Variants in FLOT2 observed in about 807,000 individuals in gnomAD.
The protein encoded by FLOT2 is flotillin-2.
A neutral mutation model predicts 54.9 loss-of-function variants in FLOT2; 35 were observed. That is an observed-to-expected ratio of 0.64 (90% CI 0.49 to 0.84). The LOEUF (loss-of-function observed/expected upper bound fraction) is 0.84, where lower values mean the gene tolerates loss of function less well. FLOT2 is among the 40% of genes least tolerant of loss of function. FLOT2 has a pLI of 0.00. For missense variants in FLOT2, 464 were observed against 572.1 expected (o/e 0.81, Z 1.93); for synonymous variants, 207 against 228.9 (o/e 0.90, Z 0.86).
At chr17:28,886,179 C>A (rs753271638) in intron 2 of FLOT2, among the ~76,000 whole-genome samples, 1 of 152,212 alleles carries the variant, frequency 6.6e-6, no homozygotes, top group Non-Finnish European at 1.5e-5. Flanking sequence ...AGCCCCCAAA[C>A]CCTTTTAGTG....
rs1399939819 is a variant in FLOT2 at position 28,881,918 on chromosome 17, C to T, written c.810G>A (p.Val270=). The change falls in exon 8 of 11, where the codon GTG becomes GTA. Residue 270 remains valine (V), a synonymous_variant. Transcript: ENST00000394908. ...CCGTACGCAGGATCTCCTGTGCCTC[C>T]ACGGCAATCTGTTTCTTGCGCTGCA... ...EVVQRKKQIA[V]EAQEILRTDK... is the part of the protein sequence containing the mutation. The T allele has an allele frequency of 1.9e-6, 3 of 1,614,000 alleles. No individual in the cohort carries two copies.
Position 28,881,959 on chromosome 17 carries a change from T to G in FLOT2, c.769A>C (p.Ile257Leu). Residue 257 changes from isoleucine (I) to leucine (L), a missense_variant, in exon 8 of 11, where the codon ATT (isoleucine) becomes CTT (leucine). Physicochemically the swap from Ile to Leu is conservative, Grantham distance 5 (BLOSUM62 2). Transcript: ENST00000394908. ...TTGCGCTGCACAACCTCAATCTCAA[T>G]CTCTTCCTGCCGGATCTTCTGCTGT... ...REQQKIRQEE[I>L]EIEVVQRKKQ... 6.2e-7 allele frequency: 1 copy of G among 1,614,036 alleles called. No individual in the cohort carries two copies. The highest frequency in any genetic ancestry group is 1.1e-5 in the South Asian group (1 of 91,086).
At chr17:28,886,127 G>C in intron 2 of FLOT2, 1 of 644,308 alleles carries the variant, frequency 1.6e-6, no homozygotes, top group Non-Finnish European at 2.8e-6. Context: ...CAGGACAGCA[G>C]CGACCTCCTG....
rs375713956 is a variant in FLOT2 at position 28,881,172 on chromosome 17, C to T, written c.1098+20G>A. Reference sequence around the variant, plus strand: ...GCAAGGACACTTGAACCCTAGGACCCGCTTGGGTGGAAGCCTCACCTGGGG... The same window carrying T: ...GCAAGGACACTTGAACCCTAGGACCTGCTTGGGTGGAAGCCTCACCTGGGG... On this transcript the variant is annotated intron_variant, in intron 9 of 10. Coordinates refer to ENST00000394908, the MANE Select transcript of FLOT2 (RefSeq NM_004475.3). The T allele has an allele frequency of 2.2e-5, 35 of 1,607,582 alleles. No homozygotes were observed. The highest frequency in any genetic ancestry group is 2.8e-5 in the Non-Finnish European group (33 of 1,176,528).
At chr17:28,888,751 T>A (rs1367012420) in intron 2 of FLOT2, among the ~76,000 whole-genome samples, 194 bp downstream of exon 2, 1 of 152,112 alleles carries the variant, frequency 6.6e-6, no homozygotes, top group African/African-American at 2.4e-5. Flanking sequence ...CTGATGCATG[T>A]CTCCTGCACC....
At position 28,882,718 on chromosome 17, in the gene FLOT2, C is replaced by T. The variant is rs1327352843; in HGVS notation, c.347-27G>A. ...TGGGGGCAGAGGGATCAAGGGCTGGCTCCCCAGGGACCCAGCCAGCTGGGG... is the reference window on the plus strand; with the variant it reads ...TGGGGGCAGAGGGATCAAGGGCTGGTTCCCCAGGGACCCAGCCAGCTGGGG... On this transcript the variant is annotated intron_variant, in intron 4 of 10. Transcript: ENST00000394908. The surrounding 1 kb of genome is among the most constrained non-coding windows in gnomAD (Gnocchi z 5.6). The T allele has an allele frequency of 6.7e-7, 1 of 1,485,398 alleles. No individual in the cohort carries two copies. Among genetic ancestry groups the T allele is most frequent in the African/African-American group, 1.4e-5 (1 of 72,374 alleles). 92.0% of individuals were successfully genotyped at this position (1,485,398 alleles called of 1,614,324 possible). A position where few individuals can be genotyped will look rare whatever the true frequency, so the allele number is the denominator to read the frequency against.
At position 28,884,215 on chromosome 17, in the gene FLOT2, G is replaced by GTTAC; in HGVS notation, c.222+6_222+9dup. 1 of 1,603,434 alleles carries GTTAC rather than the reference G, an allele frequency of 6.2e-7. No individual in the cohort carries two copies. Among genetic ancestry groups the GTTAC allele is most frequent in the Middle Eastern group, 1.7e-4 (1 of 6,044 alleles). Reference sequence around the variant, plus strand: ...CAACGGACATGCGCAGGGCTGCTGAGTTACTATACCTGGGCGACACCCGTC... The same window carrying GTTAC: ...CAACGGACATGCGCAGGGCTGCTGAGTTACTTACTATACCTGGGCGACACCCGTC... On this transcript the variant is annotated intron_variant, in intron 3 of 10. Coordinates refer to ENST00000394908, the MANE Select transcript of FLOT2 (RefSeq NM_004475.3). This position sits in a 1 kb window ranked among gnomAD's most constrained non-coding sequence, Gnocchi z 5.1.
In FLOT2 at chr17:28,881,219, C is replaced by G. The variant is rs1255683171; in HGVS notation, c.1071G>C (p.Met357Ile). 4 of 1,614,018 alleles carry G rather than the reference C, an allele frequency of 2.5e-6. No individual in the cohort carries two copies. The East Asian group carries it at 8.9e-5, about 36-fold the overall frequency. Reference protein sequence around the residue: ...AYQKYGDAAKMALVLEALPQI... With the variant: ...AYQKYGDAAKIALVLEALPQI... Reference sequence around the variant, plus strand: ...GGGGCAGGGCCTCTAGCACCAAGGCCATCTTGGCTGCATCCCCGTATTTCT... The same window carrying G: ...GGGGCAGGGCCTCTAGCACCAAGGCGATCTTGGCTGCATCCCCGTATTTCT... Residue 357 changes from methionine (M) to isoleucine (I), a missense_variant, in exon 9 of 11, where the codon ATG (methionine) becomes ATC (isoleucine). Transcript: ENST00000394908.
chr17:28,897,592 G>C lies in FLOT2; in HGVS notation c.-18C>G, dbSNP rs758747679. ...TTGCCCATGGCGCCGGCGGCACGGAGGGCCCTCGGGACCGCACAGACCCGG... is the reference window on the plus strand; with the variant it reads ...TTGCCCATGGCGCCGGCGGCACGGACGGCCCTCGGGACCGCACAGACCCGG... On this transcript the variant is annotated 5_prime_UTR_variant, in exon 1 of 11. Coordinates refer to ENST00000394908, the MANE Select transcript of FLOT2 (RefSeq NM_004475.3). This position sits in a 1 kb window ranked among gnomAD's most constrained non-coding sequence, Gnocchi z 4.4. 1 of 1,584,810 alleles carries C rather than the reference G, an allele frequency of 6.3e-7. No individual in the cohort carries two copies. The highest frequency in any genetic ancestry group is 8.6e-7 in the Non-Finnish European group (1 of 1,166,254).
chr17:28,897,639 C>T lies in FLOT2; in HGVS notation c.-65G>A. The T allele has an allele frequency of 2.2e-6, 3 of 1,354,256 alleles. No individual in the cohort carries two copies. Among genetic ancestry groups the T allele is most frequent in the South Asian group, 1.6e-5 (1 of 60,636 alleles). The allele number at this position is 1,354,256 out of a possible 1,614,324, so 83.9% of individuals were successfully genotyped here. ...CCGGACAACAGCAGCGGGTCTGCAG[C>T]GCCGGCCGCGCCCAGCCTATCCCGC... On this transcript the variant is annotated 5_prime_UTR_variant, in exon 1 of 11. Transcript: ENST00000394908. This position sits in a 1 kb window ranked among gnomAD's most constrained non-coding sequence, Gnocchi z 4.4.
chr17:28,888,847 A>G, intron 2 of FLOT2, 98 bp downstream of exon 2: 5 of 524,874 alleles, frequency 9.5e-6, no homozygotes, highest in South Asian at 8.1e-5. Context: ...GAAATGGTAG[A>G]TGCTCTAGCT....
chr17:28,885,410 G>T lies in FLOT2; in HGVS notation c.132-1095C>A, dbSNP rs1025729495. On this transcript the variant is annotated intron_variant, in intron 2 of 10. Coordinates refer to ENST00000394908, the MANE Select transcript of FLOT2 (RefSeq NM_004475.3). The stretch of plus-strand genomic sequence containing the variant: ...GGCACACAGGCTCTGAGGGGGCAGG[G>T]GCTTTTTATTGTTCGCTCCTGCAGT... Among the ~76,000 whole-genome samples the T allele has an allele frequency of 5.9e-5, 9 of 152,302 alleles. No individual in the cohort carries two copies. The South Asian group carries it at 1.0e-3, about 18-fold the overall frequency.
intron 10 of FLOT2, 38 bp from the exon 11 acceptor site, chr17:28,880,637 G>T (rs1212828915): frequency 1.2e-6 from 2 of 1,613,778 alleles, no homozygotes; most frequent in African/African-American, 2.7e-5. Flanking sequence ...CTTGGCTCCA[G>T]AGCCCAGGAC....
intron 1 of FLOT2, among the ~76,000 whole-genome samples, chr17:28,895,832 AT>A (rs1423399332): frequency 6.6e-6 from 1 of 152,192 alleles, no homozygotes; most frequent in African/African-American, 2.4e-5. Context: ...ATAAGAAAGG[AT>A]GGAAAAGATG....
chr17:28,881,969 C>T lies in FLOT2; in HGVS notation c.759G>A (p.Arg253=). The change falls in exon 8 of 11, where the codon CGG becomes CGA. Residue 253 remains arginine, a synonymous_variant. Transcript: ENST00000394908. ...LQGAREQQKI[R]QEEIEIEVVQ... ...CAACCTCAATCTCAATCTCTTCCTG[C>T]CGGATCTTCTGCTGTTCACGGGCCC... 1 of 1,614,170 alleles carries T rather than the reference C, an allele frequency of 6.2e-7. No homozygotes were observed. Among genetic ancestry groups the T allele is most frequent in the Non-Finnish European group, 8.5e-7 (1 of 1,180,046 alleles).
chr17:28,879,564 G>A lies in FLOT2; in HGVS notation c.*997C>T. 1.0e-6 allele frequency: 1 copy of A among 985,940 alleles called. No homozygotes were observed. The highest frequency in any genetic ancestry group is 1.2e-6 in the Non-Finnish European group (1 of 830,084). 61.1% of individuals were successfully genotyped at this position (985,940 alleles called of 1,614,324 possible). A position where few individuals can be genotyped will look rare whatever the true frequency, so the allele number is the denominator to read the frequency against. ...TTGGAGCAAGGAGACAGAGGATTGG[G>A]TTGCTTCCCCATGGCTGGAACCCCA... On this transcript the variant is annotated 3_prime_UTR_variant, in exon 11 of 11. Transcript: ENST00000394908.
chr17:28,891,018 C>T (rs1387345813), intron 1 of FLOT2, among the ~76,000 whole-genome samples: 1 of 152,060 alleles, frequency 6.6e-6, no homozygotes, highest in South Asian at 2.1e-4. Context: ...GTAGCTGGAA[C>T]CGCAGGTGTG....
intron 2 of FLOT2, among the ~76,000 whole-genome samples, chr17:28,886,271 T>C (rs1392744092): frequency 6.6e-6 from 1 of 152,240 alleles, no homozygotes; most frequent in Non-Finnish European, 1.5e-5. Flanking sequence ...ACAGGGCACC[T>C]GGGTTGCCCG....
rs1437097771 is a variant in FLOT2 at position 28,883,947 on chromosome 17, G to A, written c.222+278C>T. ...TTTCCAACACCTGCAAAGAATGGGG[G>A]TGGGGTTAGTGAGCCAGGAGCCCTC... On this transcript the variant is annotated intron_variant, in intron 3 of 10. Transcript: ENST00000394908. The surrounding 1 kb of genome is among the most constrained non-coding windows in gnomAD (Gnocchi z 5.0). Among the ~76,000 whole-genome samples the A allele has an allele frequency of 6.6e-6, 1 of 152,226 alleles. No individual in the cohort carries two copies. The highest frequency in any genetic ancestry group is 2.4e-5 in the African/African-American group (1 of 41,446).
Sources: allele counts gnomAD v4.1 joint callset (sites outside exome capture counted in the v4.1 genomes callset), GRCh38; gene constraint gnomAD v4.1.1; non-coding constraint Gnocchi (gnomAD v3.1); transcripts MANE v1.5; gene names NCBI Gene and HGNC (gene_info 2026-07-23, HGNC 2026-07-21).